MARCHF1: variants seen among roughly 807,000 people sequenced by gnomAD.
MARCHF1 encodes the protein E3 ubiquitin-protein ligase MARCHF1.
A neutral mutation model predicts 54.2 loss-of-function variants in MARCHF1; 40 were observed. The ratio of observed to expected loss-of-function variants is 0.74; its 90% confidence interval spans 0.57 to 0.96. The LOEUF is 0.96. MARCHF1 is among the 40% of genes least tolerant of loss of function. MARCHF1 has a pLI of 0.00. For missense variants in MARCHF1, 586 were observed against 656.5 expected (o/e 0.89, Z 1.17); for synonymous variants, 236 against 236.3 (o/e 1.00, Z 0.01).
Position 164,047,807 on chromosome 4 carries a change from A to T in MARCHF1, c.-247-59098T>A, listed in dbSNP as rs115087333. Among the ~76,000 whole-genome samples the T allele has an allele frequency of 3.2e-3, 481 of 152,280 alleles. 2 individuals are homozygous for T. Among genetic ancestry groups the T allele is most frequent in the African/African-American group, 0.011 (464 of 41,568 alleles). ...GCTTAAAGAAATTTCTAGTTTGATAAACTTAAGTTCATATTATGCAATTTT... is the reference window on the plus strand; with the variant it reads ...GCTTAAAGAAATTTCTAGTTTGATATACTTAAGTTCATATTATGCAATTTT... On this transcript the variant is annotated intron_variant, in intron 2 of 9. Transcript: ENST00000514618.
At position 163,585,788 on chromosome 4, in the gene MARCHF1, A is replaced by G. The variant is rs763787733; in HGVS notation, c.1152T>C (p.Tyr384=). ...SDTRCCELCK[Y]DFIMETKLKP... is the part of the protein sequence containing the mutation. ...TGAGCTTGGTCTCCATTATGAAGTC[A>G]TACTTGCAGAGCTCACAGCAGCGTG... The change falls in exon 8 of 10, where the codon TAT becomes TAC. Residue 384 remains tyrosine (Y), a synonymous_variant. Coordinates refer to ENST00000514618, the MANE Select transcript of MARCHF1 (RefSeq NM_001394959.1). The G allele has an allele frequency of 1.9e-6, 3 of 1,612,606 alleles. No individual in the cohort carries two copies. The highest frequency in any genetic ancestry group is 1.7e-5 in the Admixed American group (1 of 59,802).
intron 4 of MARCHF1, among the ~76,000 whole-genome samples, chr4:163,804,855 C>G (rs1748181307): frequency 6.6e-6 from 1 of 152,164 alleles, no homozygotes; most frequent in Admixed American, 6.6e-5. Context: ...CATTTGCACC[C>G]ACATGTACTA....
intron 2 of MARCHF1, among the ~76,000 whole-genome samples, chr4:164,109,199 A>G (rs975943539): frequency 1.3e-5 from 2 of 152,038 alleles, no homozygotes; most frequent in African/African-American, 4.8e-5. Flanking sequence ...AATAGTAACT[A>G]ATTTATGATC....
At chr4:163,818,671 G>A (rs1748609098) in intron 4 of MARCHF1, among the ~76,000 whole-genome samples, 1 of 151,900 alleles carries the variant, frequency 6.6e-6, no homozygotes, top group African/African-American at 2.4e-5. Flanking sequence ...TCCAAAACCT[G>A]CAAAGCCCCC....
chr4:163,795,489 C>A lies in MARCHF1; in HGVS notation c.111+58532G>T, dbSNP rs149044287. Among the ~76,000 whole-genome samples the A allele has an allele frequency of 6.7e-3, 1,021 of 152,258 alleles. 8 individuals are homozygous for A. The highest frequency in any genetic ancestry group is 0.03 in the South Asian group (145 of 4,822). On this transcript the variant is annotated intron_variant, in intron 4 of 9. Coordinates refer to ENST00000514618, the MANE Select transcript of MARCHF1 (RefSeq NM_001394959.1). ...AGGCAATCCACCTGCCTTGGCCTCC[C>A]AATGTGCTGGGATTACAGGCGTAAG...
chr4:164,173,197 C>T (rs1216645820), intron 1 of MARCHF1, among the ~76,000 whole-genome samples: 1 of 151,974 alleles, frequency 6.6e-6, no homozygotes, highest in Non-Finnish European at 1.5e-5. Context: ...TATTTTGTCC[C>T]GGAAAATAAT....
chr4:164,121,995 A>T (rs1756076940), intron 1 of MARCHF1, among the ~76,000 whole-genome samples: 1 of 152,192 alleles, frequency 6.6e-6, no homozygotes, highest in Non-Finnish European at 1.5e-5. Flanking sequence ...GATATTCATC[A>T]TGACCAAGTG....
At chr4:164,324,194 A>T (rs928574300) in intron 1 of MARCHF1, among the ~76,000 whole-genome samples, 5 of 152,024 alleles carry the variant, frequency 3.3e-5, no homozygotes, top group African/African-American at 1.2e-4. Flanking sequence ...TCATACAATT[A>T]TAACATTAGA....
chr4:163,837,185 C>G (rs926506800), intron 4 of MARCHF1, among the ~76,000 whole-genome samples: 2 of 152,094 alleles, frequency 1.3e-5, no homozygotes, highest in African/African-American at 2.4e-5. Context: ...GGACAGAATT[C>G]TAGATCCAGT....
chr4:164,092,202 C>T (rs1237994794), intron 2 of MARCHF1, among the ~76,000 whole-genome samples: 5 of 152,064 alleles, frequency 3.3e-5, no homozygotes, highest in African/African-American at 4.8e-5. Context: ...GGCTGTTTAC[C>T]TTAAGTCCCT....
chr4:164,233,279 G>A (rs1436198205), intron 1 of MARCHF1, among the ~76,000 whole-genome samples: 2 of 151,442 alleles, frequency 1.3e-5, no homozygotes, highest in Admixed American at 1.3e-4. Context: ...CAAAGTTACT[G>A]ATAATCAGAC....
At chr4:164,317,008 C>T (rs753475526) in intron 1 of MARCHF1, among the ~76,000 whole-genome samples, 39 of 152,044 alleles carry the variant, frequency 2.6e-4, no homozygotes, top group Non-Finnish European at 5.1e-4. Context: ...TATAAATTGC[C>T]GAGTCTCAAG....
intron 3 of MARCHF1, among the ~76,000 whole-genome samples, chr4:163,927,986 G>A (rs1049129834): frequency 9.9e-5 from 15 of 151,692 alleles, no homozygotes; most frequent in Admixed American, 6.6e-4. Flanking sequence ...TGTTATCCAA[G>A]TTCTCTTTTT....
chr4:163,793,617 G>A (rs561710188), intron 4 of MARCHF1, among the ~76,000 whole-genome samples: 1 of 152,136 alleles, frequency 6.6e-6, no homozygotes, highest in African/African-American at 2.4e-5. Flanking sequence ...AAAACTAAGA[G>A]GCAGAAATGA....
rs184661742 is a variant in MARCHF1, at chr4:164,363,669, C to T, written c.-323+20201G>A. 3.4e-3 allele frequency among the ~76,000 whole-genome samples: 512 copies of T among 152,244 alleles called. 15 individuals are homozygous for T. Among genetic ancestry groups the T allele is most frequent in the Admixed American group, 0.031 (478 of 15,272 alleles). On this transcript the variant is annotated intron_variant, in intron 1 of 9. Coordinates refer to ENST00000514618, the MANE Select transcript of MARCHF1 (RefSeq NM_001394959.1). The stretch of plus-strand genomic sequence containing the variant: ...AAGTAAAATAGTTTAAGTGGATCAA[C>T]TGGTCCCTTCTGAACCAGCAAATCT...
intron 3 of MARCHF1, among the ~76,000 whole-genome samples, chr4:163,967,879 G>T (rs991498167): frequency 2.0e-5 from 3 of 152,046 alleles, no homozygotes; most frequent in African/African-American, 7.2e-5. Flanking sequence ...GGGGAGGCTG[G>T]TCTTTTTGCT....
chr4:163,880,824 C>T (rs1283755196), intron 3 of MARCHF1, among the ~76,000 whole-genome samples: 2 of 151,948 alleles, frequency 1.3e-5, no homozygotes, highest in African/African-American at 4.8e-5. Flanking sequence ...ATATGGAGCA[C>T]ATTTATTTAA....
chr4:164,187,408 A>G (rs1014312184), intron 1 of MARCHF1, among the ~76,000 whole-genome samples: 8 of 152,262 alleles, frequency 5.3e-5, no homozygotes, highest in South Asian at 2.1e-4. Flanking sequence ...AAGTCCCCTT[A>G]TAAGTCTGGA....
intron 2 of MARCHF1, among the ~76,000 whole-genome samples, chr4:164,015,904 A>ACCC (rs1560862822): frequency 8.0e-4 from 118 of 147,376 alleles, no homozygotes; most frequent in African/African-American, 3.1e-3. Context: ...TTTCCCCAAA[A>ACCC]AAAAAAAAAA....
Sources: gnomAD v4.1 joint callset for allele counts (sites outside exome capture counted in the v4.1 genomes callset) on GRCh38, gnomAD v4.1.1 for gene constraint, MANE v1.5 for transcripts, NCBI Gene and HGNC (gene_info 2026-07-23, HGNC 2026-07-21) for gene names.